The following ACSM1 variants were observed in gnomAD, a reference collection of about 807,000 sequenced individuals.
ACSM1 encodes the protein acyl-CoA synthetase medium chain family member 1.
A neutral mutation model predicts 75.8 loss-of-function variants in ACSM1; 79 were observed. The observed-to-expected ratio is 1.04, with a 90% CI of 0.87 to 1.26. The LOEUF is 1.26. ACSM1 is among the 50% of genes most tolerant of loss of function. ACSM1 has a pLI of 0.00. For missense variants in ACSM1, 676 were observed against 720.1 expected, an observed-to-expected ratio of 0.94 and a Z score of 0.70; for synonymous variants, 279 against 265.8, an observed-to-expected ratio of 1.05 and a Z score of -0.48.
At chr16:20,639,188 C>T (rs1778668081) in intron 8 of ACSM1, among the ~76,000 whole-genome samples, 1 of 152,064 alleles carries the variant, frequency 6.6e-6, no homozygotes, top group African/African-American at 2.4e-5. Flanking sequence ...AGATGCTCAC[C>T]CACACTGTAA....
chr16:20,672,319 G>C (rs2019957800), intron 4 of ACSM1, among the ~76,000 whole-genome samples: 1 of 149,312 alleles, frequency 6.7e-6, no homozygotes, highest in Admixed American at 6.7e-5. Context: ...ATGCTGGTGG[G>C]CGCTTATACT....
chr16:20,655,256 G>C (rs891633174), intron 7 of ACSM1, among the ~76,000 whole-genome samples: 12 of 116,970 alleles, frequency 1.0e-4, no homozygotes, highest in Non-Finnish European at 1.7e-4. Flanking sequence ...TGTGGGGTGG[G>C]GGGAGGGGGG....
intron 10 of ACSM1, among the ~76,000 whole-genome samples, chr16:20,635,446 T>G (rs980005525): frequency 6.6e-6 from 1 of 152,166 alleles, no homozygotes; most frequent in African/African-American, 2.4e-5. Flanking sequence ...AATCAGAATC[T>G]CTGGTTGCAT....
intron 10 of ACSM1, among the ~76,000 whole-genome samples, chr16:20,629,978 G>A (rs2017235942): frequency 7.2e-6 from 1 of 138,034 alleles, no homozygotes; most frequent in Admixed American, 7.3e-5. Flanking sequence ...GAAACAGAGG[G>A]AGACTCCAAC....
At chr16:20,634,607 T>C (rs1362734702) in intron 10 of ACSM1, among the ~76,000 whole-genome samples, 1 of 152,200 alleles carries the variant, frequency 6.6e-6, no homozygotes, top group Admixed American at 6.5e-5. Context: ...AGGGCAAATG[T>C]TGTATATTTT....
chr16:20,683,013 C>A (rs911808145), intron 3 of ACSM1, among the ~76,000 whole-genome samples: 3 of 152,142 alleles, frequency 2.0e-5, no homozygotes, highest in Non-Finnish European at 2.9e-5. Flanking sequence ...GGATTCTCAT[C>A]CCTCCACCAG....
intron 1 of ACSM1, among the ~76,000 whole-genome samples, chr16:20,692,289 A>T (rs2079661488): frequency 6.6e-6 from 1 of 152,166 alleles, no homozygotes; most frequent in South Asian, 2.1e-4. Context: ...GGTTTTATAT[A>T]CTTTAGGAAG....
intron 2 of ACSM1, among the ~76,000 whole-genome samples, chr16:20,689,840 T>C (rs16970542): frequency 0.01 from 1,535 of 152,264 alleles, 22 homozygotes; most frequent in African/African-American, 0.035. Context: ...CATCATCAGA[T>C]TGGGAGACTA....
In ACSM1 at chr16:20,669,843, G is replaced by A. The variant is rs1396668765; in HGVS notation, c.896C>T (p.Thr299Ile). The change falls in exon 6 of 14, where the codon ACC becomes ATC. Residue 299 changes from threonine (T) to isoleucine (I), a missense_variant. Coordinates refer to ENST00000520010, the MANE Select transcript of ACSM1 (RefSeq NM_001318890.3). ...TCTTCTTACCTGTATGATGACCTTG[G>A]TGTCAAACTGTGGCAGATGGTGGAT... ...VFIHHLPQFD[T>I]KVIIQTLLKY... The A allele has an allele frequency of 1.9e-6, 3 of 1,613,852 alleles. No individual in the cohort carries two copies. Among genetic ancestry groups the A allele is most frequent in the Non-Finnish European group, 2.5e-6 (3 of 1,179,850 alleles).
intron 6 of ACSM1, among the ~76,000 whole-genome samples, chr16:20,664,555 G>A (rs2019469972): frequency 6.6e-6 from 1 of 152,036 alleles, no homozygotes; most frequent in Non-Finnish European, 1.5e-5. Context: ...AAAAATAGTG[G>A]GGGACTTCAA....
At chr16:20,679,249 C>T (rs1199396285) in intron 4 of ACSM1, 2 of 152,210 alleles carry the variant, frequency 1.3e-5, no homozygotes, top group African/African-American at 2.4e-5. Context: ...ACCAACAAGA[C>T]CCTGATTGCC....
chr16:20,680,213 T>A (rs2079410780), intron 4 of ACSM1: 1 of 152,208 alleles, frequency 6.6e-6, no homozygotes, highest in South Asian at 2.1e-4. Context: ...AGAGATACCT[T>A]TCTGGTCTAC....
chr16:20,630,159 G>A (rs1407643410), intron 10 of ACSM1, among the ~76,000 whole-genome samples: 1 of 142,806 alleles, frequency 7.0e-6, no homozygotes, highest in Non-Finnish European at 1.5e-5. Flanking sequence ...CGCTCTTGTT[G>A]CCCAGGCTGG....
At chr16:20,679,454 A>G (rs961006746) in intron 4 of ACSM1, 8 of 152,220 alleles carry the variant, frequency 5.3e-5, no homozygotes, top group African/African-American at 1.7e-4. Context: ...AGATAAGTAA[A>G]TGTAGATAAA....
chr16:20,647,202 C>G (rs753985364), intron 7 of ACSM1, among the ~76,000 whole-genome samples: 1 of 152,122 alleles, frequency 6.6e-6, no homozygotes, highest in Non-Finnish European at 1.5e-5. Context: ...ATAAATGAAC[C>G]ATGTGGATGC....
Position 20,637,787 on chromosome 16 carries a change from G to A in ACSM1, c.1117-336C>T, listed in dbSNP as rs376913299. Among the ~76,000 whole-genome samples, 5 of 152,344 alleles carry A rather than the reference G, an allele frequency of 3.3e-5. No homozygotes were observed. In the South Asian group the frequency reaches 8.3e-4, roughly 25 times the overall value. On this transcript the variant is annotated intron_variant, in intron 8 of 13. Transcript: ENST00000520010. ...GTGTGGCATGCCCACCATTGAACAG[G>A]CATGTGTCAGTTTGCTAGGGGAAGA... is the stretch of plus-strand genomic sequence containing the variant.
intron 6 of ACSM1, among the ~76,000 whole-genome samples, chr16:20,667,399 C>T (rs1567289925): frequency 6.6e-6 from 1 of 152,070 alleles, no homozygotes; most frequent in Admixed American, 6.6e-5. Flanking sequence ...ATCCAACAAA[C>T]ATATGAAAAA....
Position 20,630,126 on chromosome 16 carries a change from T to G in ACSM1, c.1300-2810A>C, listed in dbSNP as rs192840900. 6.3e-3 allele frequency among the ~76,000 whole-genome samples: 956 copies of G among 152,088 alleles called. 15 individuals are homozygous for G. Among genetic ancestry groups the G allele is most frequent in the South Asian group, 0.032 (154 of 4,822 alleles). On this transcript the variant is annotated intron_variant, in intron 10 of 13. Coordinates refer to ENST00000520010, the MANE Select transcript of ACSM1 (RefSeq NM_001318890.3). Reference sequence around the variant, plus strand: ...ATATCCGACAGAAAAAACTTGTTTTTTTTTTTTTTTGAGTCAGAGTTTCGC... The same window carrying G: ...ATATCCGACAGAAAAAACTTGTTTTGTTTTTTTTTTGAGTCAGAGTTTCGC...
intron 10 of ACSM1, among the ~76,000 whole-genome samples, chr16:20,627,877 T>TACATATATATATAC (rs2017070175): frequency 1.1e-4 from 1 of 9,302 alleles, no homozygotes; most frequent in African/African-American, 2.2e-4. Context: ...TACATATATA[T>TACATATATATATAC]ATATATATAT....
Sources: gnomAD v4.1 joint callset for allele counts (sites outside exome capture counted in the v4.1 genomes callset) on GRCh38, gnomAD v4.1.1 for gene constraint, MANE v1.5 for transcripts, NCBI Gene and HGNC (gene_info 2026-07-23, HGNC 2026-07-21) for gene names.